Variants in SYTL5 observed in about 807,000 individuals in gnomAD.
SYTL5 encodes synaptotagmin like 5, also known as synaptotagmin-like protein 5.
A neutral mutation model predicts 55.9 loss-of-function variants in SYTL5; 34 were observed. That is an observed-to-expected ratio of 0.61 (90% CI 0.46 to 0.81). The LOEUF is 0.81. SYTL5 is among the 30% of genes least tolerant of loss of function. SYTL5 has a pLI of 0.00. For synonymous variants in SYTL5, 221 were observed against 188.7 expected, an observed-to-expected ratio of 1.17 and a Z score of -1.40; for missense variants, 637 against 546.7, an observed-to-expected ratio of 1.17 and a Z score of -1.65.
chrX:37,943,458 A>G, the SYTL5 span, among the ~76,000 whole-genome samples: 1 of 111,424 alleles, frequency 9.0e-6, no homozygotes, highest in Admixed American at 9.5e-5. Flanking sequence ...ACCAAGGAGC[A>G]GGTTGAGGGT....
chrX:37,918,945 G>A, the SYTL5 span, among the ~76,000 whole-genome samples: 6 of 94,372 alleles, frequency 6.4e-5, no homozygotes, highest in African/African-American at 2.5e-4. Flanking sequence ...AAGTGTGAGT[G>A]AGTGTGTGTG....
At chrX:37,932,083 AT>A in the SYTL5 span, among the ~76,000 whole-genome samples, 1 of 112,141 alleles carries the variant, frequency 8.9e-6, no homozygotes, top group South Asian at 3.7e-4. Context: ...TTAAAAGTAA[AT>A]TTTAAGAATT....
chrX:37,924,969 T>C, the SYTL5 span, among the ~76,000 whole-genome samples: 46 of 110,198 alleles, frequency 4.2e-4, no homozygotes, highest in African/African-American at 1.3e-3. Context: ...CTGGAACTTA[T>C]TTTTTTTTAT....
At chrX:38,072,605 T>C (rs776657683) in intron 4 of SYTL5, among the ~76,000 whole-genome samples, 6 of 112,036 alleles carry the variant, frequency 5.4e-5, no homozygotes, top group African/African-American at 1.6e-4. Flanking sequence ...AATATGTACC[T>C]TGTCTCCCTC....
At chrX:38,080,599 G>A (rs1339353465) in intron 6 of SYTL5, among the ~76,000 whole-genome samples, 3 of 111,679 alleles carry the variant, frequency 2.7e-5, no homozygotes, top group Non-Finnish European at 5.6e-5. Context: ...GCTAGTTCTT[G>A]TCCTCATTTC....
the SYTL5 span, among the ~76,000 whole-genome samples, chrX:37,909,605 G>C: frequency 3.7e-4 from 41 of 111,332 alleles, no homozygotes; most frequent in African/African-American, 1.3e-3. Context: ...GAGTAGATTA[G>C]CAGTGGTATT....
the SYTL5 span, among the ~76,000 whole-genome samples, chrX:37,956,012 G>A: frequency 8.9e-6 from 1 of 111,909 alleles, no homozygotes; most frequent in African/African-American, 3.2e-5. Context: ...CAACTCTACT[G>A]GTTGAACTGT....
At chrX:37,945,971 C>A in the SYTL5 span, 1 of 147,725 alleles carries the variant, frequency 6.8e-6, no homozygotes. Flanking sequence ...CAGTCCTCTG[C>A]AAGAACCATT....
At chrX:37,952,370 G>T in the SYTL5 span, among the ~76,000 whole-genome samples, 1 of 111,579 alleles carries the variant, frequency 9.0e-6, no homozygotes, top group Non-Finnish European at 1.9e-5. Context: ...GTCTTTATTA[G>T]ACTTATGGGC....
At chrX:38,050,215 G>A (rs1409395572) in intron 2 of SYTL5, among the ~76,000 whole-genome samples, 1 of 112,293 alleles carries the variant, frequency 8.9e-6, no homozygotes, top group Non-Finnish European at 1.9e-5. Flanking sequence ...GTAAAATGGT[G>A]TTCAGTACAA....
the SYTL5 span, among the ~76,000 whole-genome samples, chrX:37,931,210 A>G: frequency 8.9e-6 from 1 of 112,239 alleles, no homozygotes; most frequent in Non-Finnish European, 1.9e-5. Context: ...TTGCAATATC[A>G]GAGAGAATTT....
At chrX:38,120,302 A>T in intron 13 of SYTL5, 56 bp from the exon 14 acceptor site, 1 of 863,999 alleles carries the variant, frequency 1.2e-6, no homozygotes, top group Non-Finnish European at 1.7e-6. Flanking sequence ...AATGTGGACT[A>T]CAATACTAAG....
chrX:38,044,440 A>C (rs1416812936), intron 2 of SYTL5, among the ~76,000 whole-genome samples: 3 of 112,040 alleles, frequency 2.7e-5, no homozygotes, highest in African/African-American at 9.7e-5. Context: ...CTAGAAATAA[A>C]CTTCAGTTAT....
chrX:38,034,325 A>G (rs1449585389), intron 2 of SYTL5, among the ~76,000 whole-genome samples: 1 of 112,573 alleles, frequency 8.9e-6, no homozygotes, highest in Non-Finnish European at 1.9e-5. Flanking sequence ...TGTGACTTTG[A>G]GCAAGCTACT....
At chrX:38,045,461 TTTTTG>T (rs769999769) in intron 2 of SYTL5, among the ~76,000 whole-genome samples, 2 of 112,214 alleles carry the variant, frequency 1.8e-5, no homozygotes, top group Admixed American at 9.4e-5. Context: ...GGATTTGGGT[TTTTTG>T]TTTTGTTTTG....
chrX:38,081,812 C>A (rs1424801950), intron 6 of SYTL5, among the ~76,000 whole-genome samples: 2 of 111,625 alleles, frequency 1.8e-5, no homozygotes, highest in African/African-American at 6.5e-5. Flanking sequence ...TTGAGGGCTG[C>A]TTCTAGGGCA....
chrX:37,904,556 G>A, the SYTL5 span, among the ~76,000 whole-genome samples: 1 of 111,016 alleles, frequency 9.0e-6, no homozygotes. Context: ...GGGGGAGGAA[G>A]GTCCTGGATA....
the SYTL5 span, among the ~76,000 whole-genome samples, chrX:37,978,719 C>T: frequency 9.0e-6 from 1 of 111,377 alleles, no homozygotes; most frequent in Non-Finnish European, 1.9e-5. Flanking sequence ...GGTGTATTAT[C>T]TTTTAGAGAG....
chrX:38,083,835 A>AATATAT (rs10692415), intron 6 of SYTL5, among the ~76,000 whole-genome samples: 14 of 99,151 alleles, frequency 1.4e-4, no homozygotes, highest in Admixed American at 5.6e-4. Flanking sequence ...CTGTGGTGTT[A>AATATAT]ATATATATAT....
Sources: gnomAD v4.1 joint callset for allele counts (sites outside exome capture counted in the v4.1 genomes callset) on GRCh38, gnomAD v4.1.1 for gene constraint, MANE v1.5 for transcripts, NCBI Gene and HGNC (gene_info 2026-07-23, HGNC 2026-07-21) for gene names.